ASB3: variants seen among roughly 807,000 people sequenced by gnomAD.
The protein encoded by ASB3 is ankyrin repeat and SOCS box containing 3.
A neutral mutation model predicts 54.5 loss-of-function variants in ASB3; 41 were observed. The observed-to-expected ratio is 0.75, with a 90% CI of 0.59 to 0.98. ASB3 has a LOEUF of 0.98. Among genes scored for constraint, ASB3 ranks in the 50% least tolerant of loss-of-function variants. The pLI, the probability that ASB3 is intolerant of heterozygous loss-of-function variation, is 0.00. For missense variants in ASB3, 733 were observed against 620.0 expected (o/e 1.18, Z -1.94); for synonymous variants, 266 against 221.2 (o/e 1.20, Z -1.80).
chr2:53,738,903 T>A (rs115281900), intron 3 of ASB3, among the ~76,000 whole-genome samples: 199 of 152,188 alleles, frequency 1.3e-3, no homozygotes, highest in Non-Finnish European at 1.9e-3. Flanking sequence ...GTGTCTGGAG[T>A]ACACAGAGAT....
At position 53,716,558 on chromosome 2, in the gene ASB3, A is replaced by G; in HGVS notation, c.782+8T>C. 4.4e-6 allele frequency: 7 copies of G among 1,607,758 alleles called. No individual in the cohort carries two copies. Among genetic ancestry groups the G allele is most frequent in the Non-Finnish European group, 6.0e-6 (7 of 1,175,816 alleles). On this transcript the variant is annotated splice_region_variant and intron_variant, in intron 6 of 9. Transcript: ENST00000263634. Reference sequence around the variant, plus strand: ...AGACCATGTTTATTTTCTGTTTTTAACACTTACTTTGTATGGCCCATTTGT... The same window carrying G: ...AGACCATGTTTATTTTCTGTTTTTAGCACTTACTTTGTATGGCCCATTTGT...
In ASB3 at chr2:53,693,953, G is replaced by A; in HGVS notation, c.1300C>T (p.Leu434Phe). Reference sequence around the variant, plus strand: ...AGCATCCTTTCAACAGCTGGTGCAAGTGTCTTCCAATTAGTAAACTCCAAA... The same window carrying A: ...AGCATCCTTTCAACAGCTGGTGCAAATGTCTTCCAATTAGTAAACTCCAAA... The part of the protein sequence containing the change: ...FTLEFTNWKT[L>F]APAVERMLSA... The change falls in exon 9 of 10, where the codon CTT (leucine) becomes TTT (phenylalanine). Residue 434 changes from leucine to phenylalanine, a missense_variant. Transcript: ENST00000263634. 6.2e-7 allele frequency: 1 copy of A among 1,613,656 alleles called. No homozygotes were observed. The highest frequency in any genetic ancestry group is 8.5e-7 in the Non-Finnish European group (1 of 1,179,652).
chr2:53,777,188 T>C (rs1038294957), intron 1 of ASB3, among the ~76,000 whole-genome samples: 2 of 152,226 alleles, frequency 1.3e-5, no homozygotes, highest in African/African-American at 2.4e-5. Flanking sequence ...AGCTTTCTTA[T>C]TCTTCACAGA....
intron 9 of ASB3, among the ~76,000 whole-genome samples, chr2:53,684,841 G>T (rs1361556522): frequency 2.6e-5 from 4 of 152,200 alleles, no homozygotes; most frequent in Non-Finnish European, 4.4e-5. Context: ...AAAAGAGAGA[G>T]GAAATGGTTA....
At chr2:53,742,808 C>T (rs1672008469) in intron 3 of ASB3, among the ~76,000 whole-genome samples, 2 of 151,130 alleles carry the variant, frequency 1.3e-5, no homozygotes, top group Non-Finnish European at 3.0e-5. Flanking sequence ...ACATTGAAAA[C>T]AGATAAGATA....
chr2:53,763,916 ATAGACAC>A (rs929074902), intron 2 of ASB3, among the ~76,000 whole-genome samples: 6 of 152,232 alleles, frequency 3.9e-5, no homozygotes, highest in African/African-American at 1.4e-4. Context: ...CTCAACTATA[ATAGACAC>A]TAGACACTTG....
rs545424466 is a variant in ASB3, at chr2:53,771,374, G to C, written c.-13-5789C>G. 4.8e-4 allele frequency among the ~76,000 whole-genome samples: 73 copies of C among 152,224 alleles called. No individual in the cohort carries two copies. The South Asian group carries it at 0.012, about 24-fold the overall frequency. ...CTAAAAATACAAAAATTAGCTGGGTGTCTTGGCGGGCACCTGTAATCCCAA... is the reference window on the plus strand; with the variant it reads ...CTAAAAATACAAAAATTAGCTGGGTCTCTTGGCGGGCACCTGTAATCCCAA... On this transcript the variant is annotated intron_variant, in intron 1 of 9. Transcript: ENST00000263634.
Position 53,716,679 on chromosome 2 carries a change from T to G in ASB3, c.669A>C (p.Gly223=). 1 of 1,614,142 alleles carries G rather than the reference T, an allele frequency of 6.2e-7. No homozygotes were observed. The highest frequency in any genetic ancestry group is 2.2e-5 in the East Asian group (1 of 44,874). Residue 223 remains glycine (G), a synonymous_variant, in exon 6 of 10, where the codon GGA becomes GGC. Coordinates refer to ENST00000263634, the MANE Select transcript of ASB3 (RefSeq NM_016115.5). ...GCAAAAGCTCCACACATTTTGTGTG[T>G]CCCTCTTGAGCAGCAATGAACAAGG... is the stretch of plus-strand genomic sequence containing the variant. The part of the protein sequence containing the change: ...ATPLFIAAQE[G]HTKCVELLLS...
At chr2:53,785,423 GAATA>G (rs1239808755) in intron 1 of ASB3, among the ~76,000 whole-genome samples, 1 of 129,882 alleles carries the variant, frequency 7.7e-6, no homozygotes, top group Non-Finnish European at 1.7e-5. Context: ...GCTTAGCACA[GAATA>G]AATGCTAAAA....
intron 1 of ASB3, among the ~76,000 whole-genome samples, chr2:53,778,213 T>C (rs1203696801): frequency 6.7e-6 from 1 of 150,104 alleles, no homozygotes. Context: ...TTGGCTAAGA[T>C]GGTCCTAGGA....
intron 5 of ASB3, among the ~76,000 whole-genome samples, chr2:53,720,665 G>C (rs1670654669): frequency 6.6e-6 from 1 of 152,192 alleles, no homozygotes; most frequent in Non-Finnish European, 1.5e-5. Flanking sequence ...GACAGCATTA[G>C]ACAGATCACT....
chr2:53,738,464 A>C (rs1380981090), intron 3 of ASB3, among the ~76,000 whole-genome samples: 1 of 152,224 alleles, frequency 6.6e-6, no homozygotes, highest in African/African-American at 2.4e-5. Flanking sequence ...TAAAATTAAA[A>C]TTTGAGTTCT....
At chr2:53,714,243 G>C in intron 7 of ASB3, 141 bp downstream of exon 7, 1 of 1,056,162 alleles carries the variant, frequency 9.5e-7, no homozygotes, top group Non-Finnish European at 1.3e-6. Context: ...AAACATCATA[G>C]TTTTTTTCCT....
At chr2:53,750,689 A>G in intron 3 of ASB3, 94 bp downstream of exon 3, 2 of 1,327,234 alleles carry the variant, frequency 1.5e-6, no homozygotes, top group South Asian at 4.7e-5. Flanking sequence ...AGAACATACT[A>G]TAAGCACAAC....
chr2:53,766,088 T>C (rs897836541), intron 1 of ASB3, among the ~76,000 whole-genome samples: 1 of 152,218 alleles, frequency 6.6e-6, no homozygotes, highest in Admixed American at 6.5e-5. Context: ...CAGTGAAAGA[T>C]AGGTGTCATT....
intron 3 of ASB3, among the ~76,000 whole-genome samples, chr2:53,741,632 A>G (rs954149794): frequency 1.3e-5 from 2 of 152,184 alleles, no homozygotes; most frequent in African/African-American, 2.4e-5. Context: ...ATCTAGGTCT[A>G]TTCACTGCTA....
chr2:53,781,836 T>TA (rs1463152308), intron 1 of ASB3, among the ~76,000 whole-genome samples: 1 of 152,228 alleles, frequency 6.6e-6, no homozygotes, highest in Non-Finnish European at 1.5e-5. Context: ...TAGGACTTTT[T>TA]AAAACAGGAT....
intron 7 of ASB3, among the ~76,000 whole-genome samples, chr2:53,711,283 G>C (rs1430777643): frequency 2.6e-5 from 4 of 152,168 alleles, no homozygotes; most frequent in Non-Finnish European, 5.9e-5. Context: ...CTGGCCCACA[G>C]GGTTCCATTT....
chr2:53,755,987 C>CG (rs565579071), intron 2 of ASB3, among the ~76,000 whole-genome samples: 2 of 149,878 alleles, frequency 1.3e-5, no homozygotes, highest in African/African-American at 2.5e-5. Context: ...ACCCCCCCCC[C>CG]ACCTCTACAA....
Sources: allele counts gnomAD v4.1 joint callset (sites outside exome capture counted in the v4.1 genomes callset), GRCh38; gene constraint gnomAD v4.1.1; transcripts MANE v1.5; gene names NCBI Gene and HGNC (gene_info 2026-07-23, HGNC 2026-07-21).